The following LUZP2 variants were observed in gnomAD, a reference collection of about 807,000 sequenced individuals.
The protein encoded by LUZP2 is leucine zipper protein 2.
A neutral mutation model predicts 51.6 loss-of-function variants in LUZP2; 52 were observed. The ratio of observed to expected loss-of-function variants is 1.01; its 90% CI spans 0.81 to 1.27. The LOEUF is 1.27. LUZP2 is among the 50% of genes most tolerant of loss of function. LUZP2 has a pLI of 0.00. For synonymous variants in LUZP2, 154 were observed against 137.3 expected, an observed-to-expected ratio of 1.12 and a Z score of -0.85; for missense variants, 436 against 395.4, an observed-to-expected ratio of 1.10 and a Z score of -0.87.
chr11:24,963,513 C>T (rs2133884258), intron 7 of LUZP2, among the ~76,000 whole-genome samples: 1 of 152,320 alleles, frequency 6.6e-6, no homozygotes, highest in Non-Finnish European at 1.5e-5. Context: ...GCAGTTTAAT[C>T]TCAGACTGCT....
chr11:24,987,211 A>G (rs957450115), intron 9 of LUZP2, among the ~76,000 whole-genome samples: 1 of 151,974 alleles, frequency 6.6e-6, no homozygotes, highest in East Asian at 1.9e-4. Flanking sequence ...AAAACACCTG[A>G]AGAAAATTTT....
intron 5 of LUZP2, among the ~76,000 whole-genome samples, chr11:24,801,857 T>C (rs1849705873): frequency 6.6e-6 from 1 of 151,100 alleles, no homozygotes; most frequent in South Asian, 2.1e-4. Flanking sequence ...TTTTGAAAAA[T>C]TACTAAACAG....
At chr11:24,913,015 C>T (rs1853686501) in intron 6 of LUZP2, among the ~76,000 whole-genome samples, 2 of 152,146 alleles carry the variant, frequency 1.3e-5, no homozygotes, top group South Asian at 2.1e-4. Context: ...TTATTACCTA[C>T]TGCAGCCAGC....
intron 1 of LUZP2, among the ~76,000 whole-genome samples, chr11:24,723,788 A>G (rs1301452770): frequency 2.6e-5 from 4 of 152,070 alleles, no homozygotes; most frequent in Non-Finnish European, 4.4e-5. Flanking sequence ...CTATGATTAC[A>G]CCATTGCACT....
intron 1 of LUZP2, among the ~76,000 whole-genome samples, chr11:24,717,666 C>G (rs1028670789): frequency 1.1e-4 from 17 of 151,982 alleles, no homozygotes; most frequent in Non-Finnish European, 2.2e-4. Flanking sequence ...CCACCTGCCT[C>G]AGCCTCCGAA....
intron 1 of LUZP2, among the ~76,000 whole-genome samples, chr11:24,502,710 T>C (rs1286775548): frequency 6.6e-6 from 1 of 152,180 alleles, no homozygotes; most frequent in Non-Finnish European, 1.5e-5. Context: ...TTGATGGTGC[T>C]GTACACTTTG....
intron 1 of LUZP2, among the ~76,000 whole-genome samples, chr11:24,707,118 G>T (rs1368894290): frequency 6.6e-6 from 1 of 151,892 alleles, no homozygotes; most frequent in Admixed American, 6.6e-5. Context: ...ATGTACAACA[G>T]TCCTTTGATT....
At chr11:24,696,390 C>G (rs950446903) in intron 1 of LUZP2, among the ~76,000 whole-genome samples, 1 of 152,078 alleles carries the variant, frequency 6.6e-6, no homozygotes, top group Admixed American at 6.6e-5. Flanking sequence ...TATAGCTTAT[C>G]ATACAATGTT....
intron 1 of LUZP2, among the ~76,000 whole-genome samples, chr11:24,656,638 T>C (rs533064534): frequency 4.6e-5 from 7 of 152,344 alleles, no homozygotes; most frequent in Non-Finnish European, 1.0e-4. Flanking sequence ...TTAAGTCTTA[T>C]GCTATTGTAG....
At chr11:25,076,625 A>C (rs1859308581) in intron 10 of LUZP2, among the ~76,000 whole-genome samples, 1 of 132,866 alleles carries the variant, frequency 7.5e-6, no homozygotes, top group Non-Finnish European at 1.6e-5. Context: ...GAAGGAAGGA[A>C]GGGAGGAAGG....
chr11:24,567,891 C>A (rs1808177068), intron 1 of LUZP2, among the ~76,000 whole-genome samples: 1 of 152,062 alleles, frequency 6.6e-6, no homozygotes. Context: ...ATAATCCACA[C>A]AAACACAAAA....
intron 1 of LUZP2, among the ~76,000 whole-genome samples, chr11:24,591,682 T>C (rs1412461843): frequency 1.3e-5 from 2 of 152,244 alleles, no homozygotes; most frequent in Admixed American, 6.5e-5. Context: ...GAGCAAGTCA[T>C]GTAACCTAGC....
At chr11:24,533,103 C>T (rs116257401) in intron 1 of LUZP2, among the ~76,000 whole-genome samples, 94 of 151,234 alleles carry the variant, frequency 6.2e-4, no homozygotes, top group African/African-American at 2.2e-3. Context: ...GTTCATATTG[C>T]CTGTATGTGT....
intron 7 of LUZP2, among the ~76,000 whole-genome samples, chr11:24,930,368 G>A (rs1326897982): frequency 6.6e-6 from 1 of 151,998 alleles, no homozygotes; most frequent in Non-Finnish European, 1.5e-5. Context: ...GATGTATTTT[G>A]AATATTTGTT....
intron 1 of LUZP2, among the ~76,000 whole-genome samples, chr11:24,579,540 G>C (rs1367637493): frequency 6.6e-6 from 1 of 152,008 alleles, no homozygotes; most frequent in African/African-American, 2.4e-5. Context: ...TTCAACTTTT[G>C]ATTCTTTGCT....
At chr11:24,519,542 C>T (rs983995407) in intron 1 of LUZP2, among the ~76,000 whole-genome samples, 11 of 152,168 alleles carry the variant, frequency 7.2e-5, no homozygotes, top group African/African-American at 2.7e-4. Flanking sequence ...ATTAGAAGAG[C>T]AGACCTACTA....
intron 5 of LUZP2, among the ~76,000 whole-genome samples, chr11:24,800,303 G>C (rs1849661418): frequency 6.6e-6 from 1 of 152,060 alleles, no homozygotes; most frequent in East Asian, 1.9e-4. Flanking sequence ...CCCTCCTCCT[G>C]CCTTGCCACG....
chr11:24,719,250 G>A (rs1167988443), intron 1 of LUZP2, among the ~76,000 whole-genome samples: 1 of 152,232 alleles, frequency 6.6e-6, no homozygotes, highest in African/African-American at 2.4e-5. Context: ...CCTGAACTAG[G>A]ATAGTAAGAT....
intron 7 of LUZP2, among the ~76,000 whole-genome samples, chr11:24,970,217 T>C (rs1238419597): frequency 2.0e-5 from 3 of 152,122 alleles, no homozygotes; most frequent in African/African-American, 4.8e-5. Flanking sequence ...CCAAGACAAA[T>C]AAGTTTTAAG....
Sources: gnomAD v4.1 joint callset for allele counts (sites outside exome capture counted in the v4.1 genomes callset) on GRCh38, gnomAD v4.1.1 for gene constraint, MANE v1.5 for transcripts, NCBI Gene and HGNC (gene_info 2026-07-23, HGNC 2026-07-21) for gene names.